The following GSE1 variants were observed in gnomAD, a reference collection of about 807,000 sequenced individuals.
The protein encoded by GSE1 is genetic suppressor element 1.
GSE1 carries 32 observed loss-of-function variants against 112.6 expected under a neutral mutation model. The observed-to-expected ratio is 0.28, with a 90% CI of 0.21 to 0.38. GSE1 has a LOEUF of 0.38. GSE1 is among the 10% of genes least tolerant of loss of function. The pLI is 1.00. For synonymous variants in GSE1, 1,115 were observed against 735.6 expected, an observed-to-expected ratio of 1.52 and a Z score of -8.35; for missense variants, 2,348 against 1,699.2, an observed-to-expected ratio of 1.38 and a Z score of -6.71.
intron 1 of GSE1, among the ~76,000 whole-genome samples, chr16:85,205,320 C>T (rs139843377): frequency 0.09 from 13,702 of 152,022 alleles, 804 homozygotes; most frequent in Middle Eastern, 0.15. Flanking sequence ...TTGGTAGAGA[C>T]GGGGTTTCGC....
chr16:85,367,251 G>T (rs2047203759), intron 2 of GSE1, among the ~76,000 whole-genome samples: 1 of 152,206 alleles, frequency 6.6e-6, no homozygotes, highest in South Asian at 2.1e-4. Context: ...ATCTCTCCTG[G>T]CTGGCAACTT....
chr16:85,249,671 T>A lies in GSE1; in HGVS notation c.2283+77864T>A, dbSNP rs377496648. On this transcript the variant is annotated intron_variant, in intron 1 of 2. Transcript: ENST00000637419. ...TCCAGCTGCTCTGGGGCAGGCCTGG[T>A]CCTGGGGCTCCCGTTGTCCAGCTGT... 3.9e-5 allele frequency among the ~76,000 whole-genome samples: 6 copies of A among 152,254 alleles called. No homozygotes were observed. The South Asian group carries it at 1.2e-3, about 32-fold the overall frequency.
At position 85,654,786 on chromosome 16, in the gene GSE1, G is replaced by T. The variant is rs770691098; in HGVS notation, c.600-8G>T. On this transcript the variant is annotated splice_polypyrimidine_tract_variant and splice_region_variant and intron_variant, in intron 4 of 15. Coordinates refer to ENST00000253458, the MANE Select transcript of GSE1 (RefSeq NM_014615.5). The stretch of plus-strand genomic sequence containing the variant: ...TGTCCCCACCTTGCCCACTATCCCC[G>T]CCTGCAGCCTCCAGCGGCCCGTGCA... The T allele has an allele frequency of 1.2e-6, 2 of 1,601,422 alleles. No homozygotes were observed. Among genetic ancestry groups the T allele is most frequent in the Non-Finnish European group, 8.5e-7 (1 of 1,171,878 alleles).
chr16:85,562,337 G>A (rs980200849), intron 1 of GSE1, among the ~76,000 whole-genome samples: 2 of 152,294 alleles, frequency 1.3e-5, no homozygotes, highest in Non-Finnish European at 2.9e-5. Context: ...GCCCTTTTCC[G>A]AGGGGCCTGG....
At position 85,619,646 on chromosome 16, in the gene GSE1, T is replaced by A. The variant is rs370372704; in HGVS notation, c.7+6248T>A. 3.9e-5 allele frequency among the ~76,000 whole-genome samples: 6 copies of A among 152,286 alleles called. No individual in the cohort carries two copies. In the East Asian group the frequency reaches 9.7e-4, roughly 25 times the overall value. ...TTGTCTCTGGGATTTAGTAACCAGA[T>A]GGGAAAGACTGTATTTCTGTATCCA... is the stretch of plus-strand genomic sequence containing the variant. On this transcript the variant is annotated intron_variant, in intron 1 of 15. Transcript: ENST00000253458.
At position 85,408,489 on chromosome 16, in the gene GSE1, A is replaced by C. The variant is rs868208052; in HGVS notation, c.2464+50846A>C. Among the ~76,000 whole-genome samples, 8 of 42,410 alleles carry C rather than the reference A, an allele frequency of 1.9e-4. 1 individual carries two copies. The highest frequency in any genetic ancestry group is 2.7e-4 in the Non-Finnish European group (6 of 22,236). The allele number at this position is 42,410 out of a possible 152,430, so 27.8% of individuals were successfully genotyped here. On this transcript the variant is annotated intron_variant, in intron 2 of 2. Transcript: ENST00000637419. Reference sequence around the variant, plus strand: ...TAATCCTCACTGTTACTCTCAGGGCACCTGGATAATCCTCACTGTTACACT... The same window carrying C: ...TAATCCTCACTGTTACTCTCAGGGCCCCTGGATAATCCTCACTGTTACACT...
intron 2 of GSE1, among the ~76,000 whole-genome samples, chr16:85,531,704 G>A (rs747964069): frequency 3.9e-5 from 6 of 152,212 alleles, no homozygotes; most frequent in Admixed American, 1.3e-4. Context: ...GGGACTTGAC[G>A]TCTGAGGAAA....
chr16:85,217,350 G>A (rs924695465), intron 1 of GSE1, among the ~76,000 whole-genome samples: 27 of 152,310 alleles, frequency 1.8e-4, no homozygotes, highest in African/African-American at 5.8e-4. Context: ...GGTTGGGAGC[G>A]AAGCCTGGTC....
chr16:85,399,447 C>T (rs1333376410), intron 2 of GSE1, among the ~76,000 whole-genome samples: 1 of 152,190 alleles, frequency 6.6e-6, no homozygotes, highest in Non-Finnish European at 1.5e-5. Context: ...ACAGCCAGCA[C>T]CCACATGCCC....
At chr16:85,574,091 C>T (rs901777759) in intron 1 of GSE1, among the ~76,000 whole-genome samples, 1 of 152,184 alleles carries the variant, frequency 6.6e-6, no homozygotes, top group Non-Finnish European at 1.5e-5. Flanking sequence ...CCCGTCTGGT[C>T]CTGACAAGCA....
intron 1 of GSE1, among the ~76,000 whole-genome samples, chr16:85,632,945 G>A (rs2049663972): frequency 6.6e-6 from 1 of 152,210 alleles, no homozygotes; most frequent in South Asian, 2.1e-4. Flanking sequence ...CTTGTTTGGA[G>A]GTGGCCATGT....
intron 2 of GSE1, among the ~76,000 whole-genome samples, chr16:85,449,341 C>A (rs2049603632): frequency 6.6e-6 from 1 of 152,204 alleles, no homozygotes; most frequent in African/African-American, 2.4e-5. Context: ...CCCAGAAAAA[C>A]AAAGCCAAGG....
chr16:85,645,591 C>T (rs142921197), intron 2 of GSE1, among the ~76,000 whole-genome samples: 56 of 152,324 alleles, frequency 3.7e-4, no homozygotes, highest in African/African-American at 1.2e-3. Context: ...CCTGGTCACG[C>T]CACTAAGGCC....
At chr16:85,442,441 G>GATGAATGAATGAATGA (rs57785914) in intron 2 of GSE1, among the ~76,000 whole-genome samples, 80 of 150,472 alleles carry the variant, frequency 5.3e-4, no homozygotes, top group African/African-American at 1.9e-3. Flanking sequence ...TGAATGAATG[G>GATGAATGAATGAATGA]ATGAATGAAT....
chr16:85,472,511 G>A (rs778361211), intron 2 of GSE1, among the ~76,000 whole-genome samples: 55 of 152,248 alleles, frequency 3.6e-4, no homozygotes, highest in Admixed American at 1.9e-3. Flanking sequence ...CCTTATTCCC[G>A]TGTGGCCTCA....
chr16:85,214,451 C>T lies in GSE1; in HGVS notation c.2283+42644C>T, dbSNP rs539566982. On this transcript the variant is annotated intron_variant, in intron 1 of 2. Transcript: ENST00000637419. Reference sequence around the variant, plus strand: ...CGGAGTGATGCAGCGACTGACCAAGCGATGCGCAGGATGGTGGCTGAGCCC... The same window carrying T: ...CGGAGTGATGCAGCGACTGACCAAGTGATGCGCAGGATGGTGGCTGAGCCC... Among the ~76,000 whole-genome samples the T allele has an allele frequency of 9.8e-5, 15 of 152,314 alleles. No individual in the cohort carries two copies. In the East Asian group the frequency reaches 1.5e-3, roughly 16 times the overall value.
chr16:85,482,983 A>AGAAAAC (rs144014707), intron 2 of GSE1, among the ~76,000 whole-genome samples: 22 of 148,738 alleles, frequency 1.5e-4, no homozygotes, highest in Non-Finnish European at 2.5e-4. Context: ...GTCTCAAAAA[A>AGAAAAC]AAAAAAAAAA....
At chr16:85,456,175 T>C (rs779532416) in intron 2 of GSE1, among the ~76,000 whole-genome samples, 2 of 152,132 alleles carry the variant, frequency 1.3e-5, no homozygotes. Context: ...GGACAGTATT[T>C]TGGAGGACAC....
intron 1 of GSE1, among the ~76,000 whole-genome samples, chr16:85,628,666 T>G (rs1392918062): frequency 2.0e-5 from 3 of 152,184 alleles, no homozygotes; most frequent in South Asian, 4.1e-4. Context: ...CGGTGCTGAC[T>G]TCGTGCCGTC....
Sources: gnomAD v4.1 joint callset for allele counts (sites outside exome capture counted in the v4.1 genomes callset) on GRCh38, gnomAD v4.1.1 for gene constraint, MANE v1.5 for transcripts, NCBI Gene and HGNC (gene_info 2026-07-23, HGNC 2026-07-21) for gene names.